The following BTBD9 variants were observed in gnomAD, a reference collection of about 807,000 sequenced individuals.
The protein encoded by BTBD9 is BTB domain containing 9, also known as BTB/POZ domain-containing protein 9.
In BTBD9, 49 loss-of-function variants were observed where a neutral mutation model predicts 64.3. That is an observed-to-expected ratio of 0.76 (90% CI 0.61 to 0.97). The LOEUF is 0.97. Among genes scored for constraint, BTBD9 ranks in the 50% least tolerant of loss-of-function variants. BTBD9 has a pLI of 0.00. For synonymous variants in BTBD9, 260 were observed against 274.7 expected, an observed-to-expected ratio of 0.95 and a Z score of 0.53; for missense variants, 598 against 762.1, an observed-to-expected ratio of 0.78 and a Z score of 2.53.
chr6:38,270,936 G>T (rs1391525301), intron 8 of BTBD9, among the ~76,000 whole-genome samples: 1 of 152,116 alleles, frequency 6.6e-6, no homozygotes, highest in African/African-American at 2.4e-5. Context: ...TCTGGGAAGT[G>T]GGTGGTAGGG....
chr6:38,188,180 G>T (rs1435176773), intron 10 of BTBD9, among the ~76,000 whole-genome samples: 1 of 152,208 alleles, frequency 6.6e-6, no homozygotes, highest in Non-Finnish European at 1.5e-5. Context: ...GCTGCCGGGG[G>T]TGTTTGGAGT....
intron 6 of BTBD9, among the ~76,000 whole-genome samples, chr6:38,429,410 G>A (rs1379196694): frequency 6.9e-6 from 1 of 145,782 alleles, no homozygotes; most frequent in Non-Finnish European, 1.5e-5. Flanking sequence ...AGCCGAGATC[G>A]CACCATCGCA....
At position 38,550,506 on chromosome 6, in the gene BTBD9, T is replaced by A. The variant is rs914860401; in HGVS notation, c.1154+27094A>T. On this transcript the variant is annotated intron_variant, in intron 6 of 10. Coordinates refer to ENST00000481247, the MANE Select transcript of BTBD9 (RefSeq NM_001099272.2). ...TAATTTTTTGTATTTTTAGTAGAGA[T>A]GGTGTTTCACTGTGTTAGCCAGGAT... 4.1e-4 allele frequency among the ~76,000 whole-genome samples: 62 copies of A among 151,882 alleles called. 2 individuals are homozygous for A. The highest frequency in any genetic ancestry group is 5.8e-4 in the East Asian group (3 of 5,170).
In BTBD9 at chr6:38,539,316, AC is replaced by A. The variant is rs141419922; in HGVS notation, c.1154+38283del. ...TAATTAATGACTGTATCTTAGTTCA[AC>A]CCAATAATACCAACTTCAGTTTTAT... On this transcript the variant is annotated intron_variant, in intron 6 of 10. Transcript: ENST00000481247. Among the ~76,000 whole-genome samples the A allele has an allele frequency of 3.9e-3, 589 of 152,300 alleles. 3 individuals are homozygous for A. Among genetic ancestry groups the A allele is most frequent in the African/African-American group, 0.013 (540 of 41,554 alleles).
At chr6:38,268,558 ATCTC>A (rs1765093531) in intron 8 of BTBD9, among the ~76,000 whole-genome samples, 1 of 152,042 alleles carries the variant, frequency 6.6e-6, no homozygotes, top group South Asian at 2.1e-4. Context: ...CAATCACGTA[ATCTC>A]TCTATTTTTG....
chr6:38,512,448 A>G (rs1298250190), intron 6 of BTBD9, among the ~76,000 whole-genome samples: 1 of 152,198 alleles, frequency 6.6e-6, no homozygotes, highest in African/African-American at 2.4e-5. Flanking sequence ...CTATTTAAGA[A>G]TAAGGATGTG....
chr6:38,388,033 T>C (rs1766254983), intron 6 of BTBD9, among the ~76,000 whole-genome samples: 1 of 152,194 alleles, frequency 6.6e-6, no homozygotes, highest in African/African-American at 2.4e-5. Context: ...CCTGGGACTG[T>C]AGTCTAGAGT....
chr6:38,403,198 C>A (rs1211774964), intron 6 of BTBD9, among the ~76,000 whole-genome samples: 1 of 152,046 alleles, frequency 6.6e-6, no homozygotes. Context: ...AATTGGACTT[C>A]ATCAAAATTT....
At chr6:38,439,131 T>A (rs1768898185) in intron 6 of BTBD9, among the ~76,000 whole-genome samples, 1 of 148,966 alleles carries the variant, frequency 6.7e-6, no homozygotes, top group Non-Finnish European at 1.5e-5. Context: ...TTTTTTTTTT[T>A]TTTGGTGAGA....
At chr6:38,639,609 G>T (rs766434587) in intron 1 of BTBD9, among the ~76,000 whole-genome samples, 191 bp downstream of exon 1, 1 of 152,232 alleles carries the variant, frequency 6.6e-6, no homozygotes, top group East Asian at 1.9e-4. Context: ...CGAACGGGAC[G>T]GCTACCGCTC....
intron 6 of BTBD9, among the ~76,000 whole-genome samples, chr6:38,519,981 G>A (rs1773209851): frequency 6.6e-6 from 1 of 152,062 alleles, no homozygotes; most frequent in Non-Finnish European, 1.5e-5. Flanking sequence ...TAATCATTCA[G>A]TAAAAGAAAA....
intron 6 of BTBD9, among the ~76,000 whole-genome samples, chr6:38,509,003 A>T (rs1042691262): frequency 2.6e-5 from 4 of 152,210 alleles, no homozygotes; most frequent in Non-Finnish European, 4.4e-5. Context: ...AGAACCAGTG[A>T]GTCAGAATCT....
At chr6:38,554,229 A>C (rs1774926413) in intron 6 of BTBD9, among the ~76,000 whole-genome samples, 1 of 152,200 alleles carries the variant, frequency 6.6e-6, no homozygotes, top group Admixed American at 6.5e-5. Flanking sequence ...TCTCACAACT[A>C]TTAAGAGATT....
intron 4 of BTBD9, chr6:38,588,600 A>G: frequency 8.7e-6 from 3 of 344,834 alleles, no homozygotes; most frequent in Non-Finnish European, 1.5e-5. Context: ...TACTGTTTTA[A>G]TCTGTAATGA....
Position 38,580,302 on chromosome 6 carries a change from T to C in BTBD9, c.950A>G (p.Asp317Gly), listed in dbSNP as rs1334198001. 1 of 1,614,266 alleles carries C rather than the reference T, an allele frequency of 6.2e-7. No homozygotes were observed. Among genetic ancestry groups the C allele is most frequent in the Non-Finnish European group, 8.5e-7 (1 of 1,180,046 alleles). Residue 317 changes from aspartate to glycine, a missense_variant, in exon 5 of 11, where the codon GAC becomes GGC. Physicochemically the swap from Asp to Gly is moderately conservative, Grantham distance 94. Transcript: ENST00000481247. ...HGFSRHPIDD[D>G]CRSGIEIKLG... ...CTTAATCTCGATGCCGGAACGGCAGTCATCATCAATTGGGTGCCTTGAAAA... is the reference window on the plus strand; with the variant it reads ...CTTAATCTCGATGCCGGAACGGCAGCCATCATCAATTGGGTGCCTTGAAAA...
Position 38,554,249 on chromosome 6 carries a change from C to T in BTBD9, c.1154+23351G>A, listed in dbSNP as rs991419123. On this transcript the variant is annotated intron_variant, in intron 6 of 10. Transcript: ENST00000481247. Reference sequence around the variant, plus strand: ...CAACTATTAAGAGATTCATGATGTGCCTGTCACACAGATGCTATAGACAGC... The same window carrying T: ...CAACTATTAAGAGATTCATGATGTGTCTGTCACACAGATGCTATAGACAGC... Among the ~76,000 whole-genome samples the T allele has an allele frequency of 2.0e-5, 3 of 152,160 alleles. No homozygotes were observed. In the South Asian group the frequency reaches 6.2e-4, roughly 32 times the overall value.
chr6:38,589,648 A>G (rs1479861654), intron 4 of BTBD9, among the ~76,000 whole-genome samples: 1 of 152,110 alleles, frequency 6.6e-6, no homozygotes, highest in Non-Finnish European at 1.5e-5. Context: ...TTACAATCCA[A>G]TTCACAAATC....
At chr6:38,598,222 A>G in intron 1 of BTBD9, 101 bp from the exon 2 acceptor site, 1 of 858,630 alleles carries the variant, frequency 1.2e-6, no homozygotes, top group Non-Finnish European at 1.8e-6. Context: ...AAGTGCTTAG[A>G]AAAATTCCTA....
intron 6 of BTBD9, among the ~76,000 whole-genome samples, chr6:38,476,176 C>G (rs1260907138): frequency 1.3e-5 from 2 of 152,182 alleles, no homozygotes; most frequent in Non-Finnish European, 2.9e-5. Flanking sequence ...CGGTTAGACA[C>G]TTTAAAAATT....
Sources: gnomAD v4.1 joint callset for allele counts (sites outside exome capture counted in the v4.1 genomes callset) on GRCh38, gnomAD v4.1.1 for gene constraint, MANE v1.5 for transcripts, NCBI Gene and HGNC (gene_info 2026-07-23, HGNC 2026-07-21) for gene names.